SPECC1: variants seen among roughly 807,000 people sequenced by gnomAD.
The protein encoded by SPECC1 is cytospin-B.
SPECC1 carries 62 observed loss-of-function variants against 104.1 expected under a neutral mutation model. The observed-to-expected ratio is 0.60, with a 90% CI of 0.49 to 0.74. The LOEUF is 0.74. SPECC1 is among the 30% of genes least tolerant of loss of function. The pLI, the probability that SPECC1 is intolerant of heterozygous loss-of-function variation, is 0.00. For missense variants in SPECC1, 1,306 were observed against 1,310.5 expected (o/e 1.00, Z 0.05); for synonymous variants, 513 against 501.6 (o/e 1.02, Z -0.30).
At chr17:20,111,933 T>C in intron 3 of SPECC1, 1 of 792,036 alleles carries the variant, frequency 1.3e-6, no homozygotes, top group South Asian at 1.3e-5. Context: ...AAACTTGGCA[T>C]AAAAGCCACC....
At chr17:20,134,941 T>A (rs917161833) in intron 3 of SPECC1, among the ~76,000 whole-genome samples, 1 of 152,156 alleles carries the variant, frequency 6.6e-6, no homozygotes, top group Non-Finnish European at 1.5e-5. Context: ...AATCATCACA[T>A]TGGATGGAAG....
Position 20,315,097 on chromosome 17 carries a change from CAT to C in SPECC1, c.*1033_*1034del, listed in dbSNP as rs374484851. On this transcript the variant is annotated 3_prime_UTR_variant, in exon 15 of 15. Coordinates refer to ENST00000395527, the MANE Select transcript of SPECC1 (RefSeq NM_001243439.2). ...CCCCACAGAACTTGACAGGAGGTCA[CAT>C]GTGTGAATGGCCTGTGTCTGCTTTA... The C allele has an allele frequency of 1.9e-3, 442 of 233,096 alleles. 7 individuals carry two copies. In the East Asian group the frequency reaches 0.022, roughly 12 times the overall value. The allele number at this position is 233,096 out of a possible 1,614,324, so 14.4% of individuals were successfully genotyped here.
chr17:20,205,383 A>T lies in SPECC1; in HGVS notation c.1334A>T (p.Asn445Ile). The T allele has an allele frequency of 6.2e-7, 1 of 1,613,800 alleles. No individual in the cohort carries two copies. The highest frequency in any genetic ancestry group is 8.5e-7 in the Non-Finnish European group (1 of 1,179,974). The change falls in exon 4 of 15, where the codon AAT (asparagine) becomes ATT (isoleucine). Residue 445 changes from asparagine to isoleucine, a missense_variant. Transcript: ENST00000395527. ...AGTCAAGAAAATGAGAAGCTGATGA[A>T]TCTTTTACAAGAGCGAGTAAAGAAT... Reference protein sequence around the residue: ...QLSQENEKLMNLLQERVKNEE... With the variant: ...QLSQENEKLMILLQERVKNEE...
chr17:20,037,905 T>C (rs1209125670), intron 1 of SPECC1, among the ~76,000 whole-genome samples: 1 of 152,160 alleles, frequency 6.6e-6, no homozygotes, highest in East Asian at 1.9e-4. Flanking sequence ...AATGTTTCTG[T>C]TTTAAGAGTG....
chr17:20,144,936 T>G (rs2031290662), intron 3 of SPECC1, among the ~76,000 whole-genome samples: 1 of 152,224 alleles, frequency 6.6e-6, no homozygotes, highest in African/African-American at 2.4e-5. Flanking sequence ...TCAGTCTTCT[T>G]TCATTTAGAT....
At chr17:20,165,144 C>T (rs921936123) in intron 3 of SPECC1, among the ~76,000 whole-genome samples, 5 of 152,092 alleles carry the variant, frequency 3.3e-5, no homozygotes, top group Non-Finnish European at 7.3e-5. Flanking sequence ...CAACCCGTCA[C>T]CTAGGTATTA....
At chr17:20,154,033 A>G (rs1490755277) in intron 3 of SPECC1, among the ~76,000 whole-genome samples, 1 of 152,248 alleles carries the variant, frequency 6.6e-6, no homozygotes. Flanking sequence ...TGTCTTTGAC[A>G]CGCTAGTTTT....
chr17:20,238,068 C>G, intron 7 of SPECC1: 1 of 1,024,654 alleles, frequency 9.8e-7, no homozygotes, highest in Non-Finnish European at 1.2e-6. Context: ...GATTGAGCCC[C>G]TTCACTTGGA....
At position 20,174,481 on chromosome 17, in the gene SPECC1, C is replaced by T. The variant is rs770983373; in HGVS notation, c.284-29852C>T. The stretch of plus-strand genomic sequence containing the variant: ...GTACCAATGAGGGGGTGAGGGAAGC[C>T]GGTTGGGCAGAGGGAGAAGCTAAGA... On this transcript the variant is annotated intron_variant, in intron 3 of 14. Coordinates refer to ENST00000395527, the MANE Select transcript of SPECC1 (RefSeq NM_001243439.2). Among the ~76,000 whole-genome samples, 5 of 152,052 alleles carry T rather than the reference C, an allele frequency of 3.3e-5. No individual in the cohort carries two copies. In the South Asian group the frequency reaches 8.3e-4, roughly 25 times the overall value.
At chr17:20,239,210 A>G in intron 7 of SPECC1, 1 of 1,018,658 alleles carries the variant, frequency 9.8e-7, no homozygotes, top group Non-Finnish European at 1.2e-6. Flanking sequence ...GAATAGATTG[A>G]TGATTTAATG....
intron 12 of SPECC1, among the ~76,000 whole-genome samples, chr17:20,288,036 GA>G (rs1427985135): frequency 6.8e-6 from 1 of 147,078 alleles, no homozygotes; most frequent in Non-Finnish European, 1.5e-5. Context: ...ACTTATAAAT[GA>G]GAACATACTT....
In SPECC1 at chr17:20,305,749, TA is replaced by T. The variant is rs1371138457; in HGVS notation, c.3058-271del. ...GTTATGCAACAGAATGTTTATGCCA[TA>T]AATCTTGCAAAGTATGAATTACCTA... is the stretch of plus-strand genomic sequence containing the variant. On this transcript the variant is annotated intron_variant, in intron 13 of 14. Coordinates refer to ENST00000395527, the MANE Select transcript of SPECC1 (RefSeq NM_001243439.2). 1.9e-5 allele frequency: 7 copies of T among 361,896 alleles called. No individual in the cohort carries two copies. The East Asian group carries it at 3.2e-4, about 17-fold the overall frequency. The allele number at this position is 361,896 out of a possible 1,614,324, so 22.4% of individuals were successfully genotyped here.
chr17:20,205,537 G>A lies in SPECC1; in HGVS notation c.1488G>A (p.Arg496=). 6.2e-7 allele frequency: 1 copy of A among 1,614,112 alleles called. No individual in the cohort carries two copies. The highest frequency in any genetic ancestry group is 8.5e-7 in the Non-Finnish European group (1 of 1,180,024). The change falls in exon 4 of 15, where the codon CGG becomes CGA. Residue 496 remains arginine, a synonymous_variant. Coordinates refer to ENST00000395527, the MANE Select transcript of SPECC1 (RefSeq NM_001243439.2). ...NIQQQLTCSL[R]KVEEENQGAL... ...AGCAGCAGTTGACCTGTAGCTTGCGGAAGGTTGAGGAAGAAAACCAAGGAG... is the reference window on the plus strand; with the variant it reads ...AGCAGCAGTTGACCTGTAGCTTGCGAAAGGTTGAGGAAGAAAACCAAGGAG...
intron 1 of SPECC1, among the ~76,000 whole-genome samples, chr17:20,053,336 G>A (rs1213196829): frequency 1.3e-5 from 2 of 152,098 alleles, no homozygotes; most frequent in Non-Finnish European, 2.9e-5. Context: ...TTGCCTGTTG[G>A]ACATTTGAAT....
intron 12 of SPECC1, among the ~76,000 whole-genome samples, chr17:20,268,053 C>T (rs747989945): frequency 9.9e-5 from 15 of 152,076 alleles, no homozygotes; most frequent in Non-Finnish European, 1.8e-4. Flanking sequence ...ATCTTTTAGA[C>T]GAAAATATAT....
chr17:20,298,948 A>AGAGAGAGAGAGAGAGG, intron 13 of SPECC1, among the ~76,000 whole-genome samples: 9 of 49,074 alleles, frequency 1.8e-4, no homozygotes, highest in Non-Finnish European at 2.6e-4. Flanking sequence ...AGAGAGAGAG[A>AGAGAGAGAGAGAGAGG]GTGTGTGTGT....
chr17:20,231,658 G>T, intron 5 of SPECC1, 100 bp from the exon 6 acceptor site: 1 of 1,020,328 alleles, frequency 9.8e-7, no homozygotes, highest in Non-Finnish European at 1.5e-6. Context: ...TTGGATGCCT[G>T]TTGTGGCATC....
At chr17:20,268,961 AC>A (rs2040308424) in intron 12 of SPECC1, among the ~76,000 whole-genome samples, 1 of 152,090 alleles carries the variant, frequency 6.6e-6, no homozygotes, top group Non-Finnish European at 1.5e-5. Context: ...GTGTGTAGAG[AC>A]CTGTCAGACT....
In SPECC1 at chr17:20,172,880, G is replaced by A. The variant is rs78050281; in HGVS notation, c.284-31453G>A. Among the ~76,000 whole-genome samples the A allele has an allele frequency of 3.0e-3, 456 of 152,298 alleles. 19 individuals carry two copies. In the East Asian group the frequency reaches 0.085, roughly 28 times the overall value. ...AGGCCTGATTATAAGTGGATGACAA[G>A]CTTCATTTTTCCTAGGTGATAGGTT... is the stretch of plus-strand genomic sequence containing the variant. On this transcript the variant is annotated intron_variant, in intron 3 of 14. Transcript: ENST00000395527.
Sources: gnomAD v4.1 joint callset for allele counts (sites outside exome capture counted in the v4.1 genomes callset) on GRCh38, gnomAD v4.1.1 for gene constraint, MANE v1.5 for transcripts, NCBI Gene and HGNC (gene_info 2026-07-23, HGNC 2026-07-21) for gene names.